CAMTA1: variants seen among roughly 807,000 people sequenced by gnomAD.
CAMTA1 encodes the protein calmodulin binding transcription activator 1, also known as calmodulin-binding transcription activator 1.
CAMTA1 carries 27 observed loss-of-function variants against 170.9 expected under a neutral mutation model. That is an observed-to-expected ratio of 0.16 (90% CI 0.12 to 0.22). CAMTA1 has a LOEUF of 0.22. Among genes scored for constraint, CAMTA1 ranks in the 10% least tolerant of loss-of-function variants. The probability of loss-of-function intolerance (pLI) is 1.00; values close to 1 mark genes in which losing one functional copy is unlikely to be tolerated. For missense variants in CAMTA1, 1,619 were observed against 2,217.2 expected (o/e 0.73, Z 5.42); for synonymous variants, 833 against 891.5 (o/e 0.93, Z 1.17).
chr1:7,078,397 C>A (rs577683706), intron 3 of CAMTA1, among the ~76,000 whole-genome samples: 1 of 152,302 alleles, frequency 6.6e-6, no homozygotes, highest in South Asian at 2.1e-4. Flanking sequence ...TTAAGGAAGG[C>A]AGAATCGGTA....
chr1:6,826,590 T>C (rs1005958203), intron 3 of CAMTA1, among the ~76,000 whole-genome samples: 2 of 152,224 alleles, frequency 1.3e-5, no homozygotes, highest in African/African-American at 4.8e-5. Context: ...CCCTGAAACG[T>C]AGATTTGATA....
chr1:6,985,960 C>T (rs1050295489), intron 3 of CAMTA1, among the ~76,000 whole-genome samples: 5 of 152,318 alleles, frequency 3.3e-5, no homozygotes, highest in East Asian at 1.9e-4. Context: ...TGACTACCGG[C>T]GATTAACTCT....
At chr1:7,492,323 G>A (rs1002763047) in intron 6 of CAMTA1, among the ~76,000 whole-genome samples, 1 of 152,192 alleles carries the variant, frequency 6.6e-6, no homozygotes, top group African/African-American at 2.4e-5. Context: ...GCTTAGGGCT[G>A]GGCAGGGCTT....
Position 7,443,447 on chromosome 1 carries a change from G to T in CAMTA1, c.439-24383G>T, listed in dbSNP as rs1458166542. Reference sequence around the variant, plus strand: ...CAGACGACAGCAGGGAGAGTGGAAAGTCACCCAGCCCTGGGCATCCGAATC... The same window carrying T: ...CAGACGACAGCAGGGAGAGTGGAAATTCACCCAGCCCTGGGCATCCGAATC... On this transcript the variant is annotated intron_variant, in intron 5 of 22. Transcript: ENST00000303635. The surrounding 1 kb of genome is among the most constrained non-coding windows in gnomAD (Gnocchi z 4.1). Among the ~76,000 whole-genome samples the T allele has an allele frequency of 6.6e-6, 1 of 152,184 alleles. No homozygotes were observed. Among genetic ancestry groups the T allele is most frequent in the Non-Finnish European group, 1.5e-5 (1 of 68,042 alleles).
chr1:7,284,722 A>G (rs989573439), intron 5 of CAMTA1, among the ~76,000 whole-genome samples: 1 of 151,958 alleles, frequency 6.6e-6, no homozygotes, highest in Non-Finnish European at 1.5e-5. Flanking sequence ...CCACATGCCC[A>G]CCCACCACAA....
chr1:7,297,303 T>C (rs375440520), intron 5 of CAMTA1, among the ~76,000 whole-genome samples: 2 of 152,362 alleles, frequency 1.3e-5, no homozygotes, highest in East Asian at 3.9e-4. Flanking sequence ...CCTCTTGGTC[T>C]GGTCAGGCTT....
chr1:7,692,365 C>G (rs1012401930), intron 11 of CAMTA1, among the ~76,000 whole-genome samples: 22 of 152,060 alleles, frequency 1.4e-4, no homozygotes, highest in African/African-American at 5.1e-4. Context: ...AGCCCTCTCT[C>G]TAGGCCTCAG....
chr1:7,653,855 A>G (rs1042711569), intron 7 of CAMTA1, among the ~76,000 whole-genome samples: 1 of 152,194 alleles, frequency 6.6e-6, no homozygotes, highest in Non-Finnish European at 1.5e-5. Flanking sequence ...TGCCCTCAGG[A>G]TCCAAACTCC....
At chr1:7,310,518 A>G (rs1451065967) in intron 5 of CAMTA1, among the ~76,000 whole-genome samples, 7 of 152,076 alleles carry the variant, frequency 4.6e-5, no homozygotes, top group African/African-American at 1.7e-4. Context: ...CCCAAGGACC[A>G]TAGTTTGCTG....
intron 11 of CAMTA1, among the ~76,000 whole-genome samples, chr1:7,704,025 T>TCCCCGCCCACCGTCCTCCG (rs1360121048): frequency 6.6e-6 from 1 of 151,564 alleles, no homozygotes; most frequent in African/African-American, 2.4e-5. Context: ...GCCGCCACCG[T>TCCCCGCCCACCGTCCTCCG]CCCCGCCCAC....
At chr1:6,893,246 G>A (rs1321717803) in intron 3 of CAMTA1, among the ~76,000 whole-genome samples, 1 of 152,070 alleles carries the variant, frequency 6.6e-6, no homozygotes, top group Non-Finnish European at 1.5e-5. Flanking sequence ...GGGCGACAGA[G>A]CAAGACTCCA....
At chr1:6,802,412 C>CT (rs112509808) in intron 1 of CAMTA1, among the ~76,000 whole-genome samples, 2,601 of 152,296 alleles carry the variant, frequency 0.017, 35 homozygotes, top group South Asian at 0.032. Flanking sequence ...CTCTGGTCGA[C>CT]TATGAAAGAA....
At chr1:7,449,731 C>T (rs2092770283) in intron 5 of CAMTA1, among the ~76,000 whole-genome samples, 2 of 135,432 alleles carry the variant, frequency 1.5e-5, no homozygotes, top group African/African-American at 2.8e-5. Context: ...AATAGTGCCA[C>T]TACACTCCAG....
chr1:7,727,894 A>G (rs1483693979), intron 11 of CAMTA1, among the ~76,000 whole-genome samples: 1 of 152,228 alleles, frequency 6.6e-6, no homozygotes, highest in Non-Finnish European at 1.5e-5. Context: ...GTGAGGAGAA[A>G]GTCTCTCTGA....
At chr1:6,843,825 C>T (rs192278335) in intron 3 of CAMTA1, among the ~76,000 whole-genome samples, 7 of 152,312 alleles carry the variant, frequency 4.6e-5, no homozygotes, top group East Asian at 1.9e-4. Flanking sequence ...ACTCCCACAA[C>T]AGCTTCAGTA....
chr1:7,442,358 T>G (rs1320903100), intron 5 of CAMTA1, among the ~76,000 whole-genome samples: 2 of 152,178 alleles, frequency 1.3e-5, no homozygotes. Flanking sequence ...GCTTTCGCTG[T>G]GGGCAGCTGG....
chr1:7,056,739 T>C (rs1054504553), intron 3 of CAMTA1, among the ~76,000 whole-genome samples: 61 of 151,906 alleles, frequency 4.0e-4, no homozygotes, highest in Non-Finnish European at 7.4e-5. Context: ...GGGGGGTGGG[T>C]GCCAGGAGCC....
Position 7,642,208 on chromosome 1 carries a change from C to A in CAMTA1, c.664+1655C>A, listed in dbSNP as rs2095767711. On this transcript the variant is annotated intron_variant, in intron 7 of 22. Transcript: ENST00000303635. This position sits in a 1 kb window ranked among gnomAD's most constrained non-coding sequence, Gnocchi z 6.3. ...GCTTCATCAGGAGGGGCCTCGTGAG[C>A]CTCTTCAAAATGCTGCCGAGCACCG... Among the ~76,000 whole-genome samples the A allele has an allele frequency of 6.6e-6, 1 of 152,212 alleles. No individual in the cohort carries two copies. The highest frequency in any genetic ancestry group is 2.1e-4 in the South Asian group (1 of 4,828).
chr1:6,995,568 C>G (rs1257734500), intron 3 of CAMTA1, among the ~76,000 whole-genome samples: 1 of 152,092 alleles, frequency 6.6e-6, no homozygotes, highest in Non-Finnish European at 1.5e-5. Flanking sequence ...TCCCAAAGTG[C>G]TGGGATTACA....
Sources: allele counts gnomAD v4.1 joint callset (sites outside exome capture counted in the v4.1 genomes callset), GRCh38; gene constraint gnomAD v4.1.1; non-coding constraint Gnocchi (gnomAD v3.1); transcripts MANE v1.5; gene names NCBI Gene and HGNC (gene_info 2026-07-23, HGNC 2026-07-21).